The following GPC6 variants were observed in gnomAD, a reference collection of about 807,000 sequenced individuals.
The protein encoded by GPC6 is glypican-6.
Under a neutral mutation model 55.2 loss-of-function variants are expected in GPC6, and 14 were observed. The observed-to-expected ratio is 0.25, with a 90% confidence interval of 0.17 to 0.40. GPC6 has a LOEUF of 0.40. GPC6 is among the 10% of genes least tolerant of loss of function. The pLI is 1.00. For missense variants in GPC6, 641 were observed against 708.5 expected, an observed-to-expected ratio of 0.90 and a Z score of 1.08; for synonymous variants, 278 against 259.6, an observed-to-expected ratio of 1.07 and a Z score of -0.68.
At chr13:93,699,107 C>G (rs569302797) in intron 2 of GPC6, among the ~76,000 whole-genome samples, 1 of 152,158 alleles carries the variant, frequency 6.6e-6, no homozygotes, top group South Asian at 2.1e-4. Context: ...TAATTAGAAC[C>G]TGGGAAAGAC....
chr13:93,586,250 A>T (rs567163973), intron 2 of GPC6, among the ~76,000 whole-genome samples: 3 of 152,326 alleles, frequency 2.0e-5, no homozygotes, highest in Non-Finnish European at 4.4e-5. Flanking sequence ...GCTAAAGATA[A>T]TGGCCTCCAG....
chr13:94,246,711 G>A (rs1475120845), intron 4 of GPC6, among the ~76,000 whole-genome samples: 1 of 151,982 alleles, frequency 6.6e-6, no homozygotes, highest in Non-Finnish European at 1.5e-5. Flanking sequence ...CTGTTCCACT[G>A]GTCTATGTGT....
At chr13:94,216,839 TA>T (rs1176297270) in intron 4 of GPC6, among the ~76,000 whole-genome samples, 1 of 152,186 alleles carries the variant, frequency 6.6e-6, no homozygotes, top group Non-Finnish European at 1.5e-5. Flanking sequence ...TCTTTTGTTG[TA>T]ATTGAGGGTC....
chr13:93,248,385 G>GAA (rs536561744), intron 1 of GPC6, among the ~76,000 whole-genome samples: 26 of 130,104 alleles, frequency 2.0e-4, no homozygotes, highest in Non-Finnish European at 2.5e-4. Flanking sequence ...TCTTATGTTT[G>GAA]AAAAAAAAAA....
chr13:93,624,118 T>A (rs1167514985), intron 2 of GPC6, among the ~76,000 whole-genome samples: 2 of 151,790 alleles, frequency 1.3e-5, no homozygotes, highest in Admixed American at 1.3e-4. Context: ...TTTCAACTTT[T>A]TTTTTTTTTT....
intron 1 of GPC6, among the ~76,000 whole-genome samples, chr13:93,249,268 AC>A (rs1343653479): frequency 6.6e-6 from 1 of 152,202 alleles, no homozygotes; most frequent in Admixed American, 6.5e-5. Flanking sequence ...AATTAATGGA[AC>A]CCTGTGAAAC....
intron 4 of GPC6, among the ~76,000 whole-genome samples, chr13:94,179,379 A>T (rs952976092): frequency 1.3e-5 from 2 of 152,172 alleles, no homozygotes; most frequent in Non-Finnish European, 2.9e-5. Context: ...GCATGAGCTT[A>T]CCCATGATCA....
rs1355377621 is a variant in GPC6 at position 94,297,640 on chromosome 13, C to T, written c.1009-8340C>T. On this transcript the variant is annotated intron_variant, in intron 5 of 8. Coordinates refer to ENST00000377047, the MANE Select transcript of GPC6 (RefSeq NM_005708.5). ...AAAAGATTTTAAGAAGTATGCAATA[C>T]ATCCGACAGATATTCTGGAACCAAG... 2.6e-5 allele frequency among the ~76,000 whole-genome samples: 4 copies of T among 152,312 alleles called. No individual in the cohort carries two copies. The East Asian group carries it at 5.8e-4, about 22-fold the overall frequency.
At chr13:93,675,100 T>C (rs1881533961) in intron 2 of GPC6, among the ~76,000 whole-genome samples, 1 of 152,188 alleles carries the variant, frequency 6.6e-6, no homozygotes, top group African/African-American at 2.4e-5. Flanking sequence ...TAACTGTAAA[T>C]GTGAGTCAAG....
Position 93,227,791 on chromosome 13 carries a change from C to G in GPC6, c.160+175C>G, listed in dbSNP as rs759734601. Among the ~76,000 whole-genome samples the G allele has an allele frequency of 9.7e-4, 147 of 152,288 alleles. No individual in the cohort carries two copies. Among genetic ancestry groups the G allele is most frequent in the Non-Finnish European group, 1.6e-3 (106 of 68,024 alleles). ...GCGGATGCTCCTGCGGCTTCTTCGG[C>G]GGGGGAAGGTGTGCGTCTCCGCCGC... On this transcript the variant is annotated intron_variant, in intron 1 of 8. Coordinates refer to ENST00000377047, the MANE Select transcript of GPC6 (RefSeq NM_005708.5). The surrounding 1 kb of genome is among the most constrained non-coding windows in gnomAD (Gnocchi z 4.3).
intron 4 of GPC6, among the ~76,000 whole-genome samples, chr13:94,187,643 G>A (rs914853883): frequency 6.6e-6 from 1 of 152,126 alleles, no homozygotes; most frequent in African/African-American, 2.4e-5. Flanking sequence ...CCACTATCGG[G>A]CAAACATTGT....
At chr13:93,334,883 C>A (rs1879991722) in intron 1 of GPC6, among the ~76,000 whole-genome samples, 1 of 152,082 alleles carries the variant, frequency 6.6e-6, no homozygotes, top group Admixed American at 6.6e-5. Flanking sequence ...AAAATTAATT[C>A]CAACCTTTAA....
rs114423108 is a variant in GPC6 at position 93,952,334 on chromosome 13, G to A, written c.712-75395G>A. ...AATGAATCTTTAGGGAACATATTAC[G>A]TGGGAAAGAACTGTATGAATATTAC... On this transcript the variant is annotated intron_variant, in intron 3 of 8. Coordinates refer to ENST00000377047, the MANE Select transcript of GPC6 (RefSeq NM_005708.5). 7.6e-3 allele frequency among the ~76,000 whole-genome samples: 1,155 copies of A among 152,140 alleles called. 15 individuals are homozygous for A. The highest frequency in any genetic ancestry group is 0.026 in the African/African-American group (1,081 of 41,516).
chr13:94,385,619 G>T (rs1257519218), intron 7 of GPC6, among the ~76,000 whole-genome samples: 1 of 151,034 alleles, frequency 6.6e-6, no homozygotes, highest in Non-Finnish European at 1.5e-5. Context: ...CAATTCCATG[G>T]TTTCCTTTAG....
intron 4 of GPC6, among the ~76,000 whole-genome samples, chr13:94,217,730 G>T (rs373821859): frequency 1.3e-5 from 2 of 152,144 alleles, no homozygotes; most frequent in African/African-American, 4.8e-5. Context: ...CATAAATAAA[G>T]CAAGTAGGAT....
chr13:93,219,293 C>A, the GPC6 span, among the ~76,000 whole-genome samples: 5 of 152,052 alleles, frequency 3.3e-5, no homozygotes, highest in African/African-American at 1.2e-4. Flanking sequence ...GGGGTTTCAC[C>A]ATGTTGGCCA....
At chr13:93,816,190 C>T (rs1469113151) in intron 2 of GPC6, among the ~76,000 whole-genome samples, 3 of 151,850 alleles carry the variant, frequency 2.0e-5, no homozygotes, top group Non-Finnish European at 4.4e-5. Context: ...ATTTTATTGT[C>T]TCCTGATTAC....
chr13:93,904,322 T>C (rs1876519071), intron 3 of GPC6, among the ~76,000 whole-genome samples: 1 of 152,164 alleles, frequency 6.6e-6, no homozygotes, highest in Non-Finnish European at 1.5e-5. Flanking sequence ...AAGGAAAAGA[T>C]GCATCTTTAT....
chr13:94,265,696 A>G (rs185751978), intron 4 of GPC6, among the ~76,000 whole-genome samples: 11 of 152,338 alleles, frequency 7.2e-5, no homozygotes, highest in African/African-American at 2.6e-4. Flanking sequence ...TAAAACTTGC[A>G]GAGAAGGAAA....
Sources: gnomAD v4.1 joint callset for allele counts (sites outside exome capture counted in the v4.1 genomes callset) on GRCh38, gnomAD v4.1.1 for gene constraint, Gnocchi (gnomAD v3.1) non-coding constraint, MANE v1.5 for transcripts, NCBI Gene and HGNC (gene_info 2026-07-23, HGNC 2026-07-21) for gene names.